Variants in KLC3 observed in about 807,000 individuals in gnomAD.
The protein encoded by KLC3 is kinesin light chain 3.
A neutral mutation model predicts 62.9 loss-of-function variants in KLC3; 72 were observed. That is an observed-to-expected ratio of 1.15 (90% confidence interval 0.95 to 1.39). The LOEUF (loss-of-function observed/expected upper bound fraction) is 1.39. Among genes scored for constraint, KLC3 ranks in the 40% most tolerant of loss-of-function variants. The pLI, the probability that KLC3 is intolerant of heterozygous loss-of-function variation, is 0.00. For synonymous variants in KLC3, 377 were observed against 300.5 expected (o/e 1.25, Z -2.63); for missense variants, 848 against 691.6 (o/e 1.23, Z -2.54).
chr19:45,344,560 A>G (rs1314569508), intron 1 of KLC3, among the ~76,000 whole-genome samples: 1 of 151,934 alleles, frequency 6.6e-6, no homozygotes. Context: ...TGTGTGTGTC[A>G]AATTGTATTT....
intron 1 of KLC3, among the ~76,000 whole-genome samples, chr19:45,342,726 C>G (rs1568519926): frequency 6.6e-6 from 1 of 151,966 alleles, no homozygotes; most frequent in Non-Finnish European, 1.5e-5. Flanking sequence ...AACATCATGC[C>G]ATTGCACTCC....
Position 45,351,517 on chromosome 19 carries a change from T to C in KLC3, c.*160T>C, listed in dbSNP as rs1156265886. 4 of 1,600,254 alleles carry C rather than the reference T, an allele frequency of 2.5e-6. No homozygotes were observed. In the African/African-American group the frequency reaches 4.0e-5, roughly 16 times the overall value. ...CGATTAAAGGCTGTGGACGTGACAG[T>C]GAGAAATGTCACCTGACTTCATAAG... On this transcript the variant is annotated 3_prime_UTR_variant, in exon 13 of 13. Transcript: ENST00000391946.
intron 7 of KLC3, 32 bp downstream of exon 7, chr19:45,348,953 C>T: frequency 1.3e-6 from 2 of 1,533,456 alleles, no homozygotes; most frequent in Non-Finnish European, 8.9e-7. Flanking sequence ...CCCGAGGAAC[C>T]CCTTGTCCCA....
At position 45,348,843 on chromosome 19, in the gene KLC3, G is replaced by A; in HGVS notation, c.891G>A (p.Leu297=). The change falls in exon 7 of 13, where the codon TTG becomes TTA. Residue 297 remains leucine (L), a synonymous_variant. Coordinates refer to ENST00000391946, the MANE Select transcript of KLC3 (RefSeq NM_177417.3). ...HPAVAATLNN[L]AVLYGKRGRY... ...AGGTGGCCGCCACGCTCAACAACTT[G>A]GCTGTCCTCTATGGGAAGCGTGGGC... 6.3e-7 allele frequency: 1 copy of A among 1,575,552 alleles called. No homozygotes were observed. The highest frequency in any genetic ancestry group is 8.6e-7 in the Non-Finnish European group (1 of 1,160,600).
rs1352992667 is a variant in KLC3, at chr19:45,350,660, C to T, written c.1292C>T (p.Ser431Leu). The T allele has an allele frequency of 1.2e-6, 2 of 1,613,604 alleles. No individual in the cohort carries two copies. Among genetic ancestry groups the T allele is most frequent in the African/African-American group, 1.3e-5 (1 of 74,898 alleles). Residue 431 changes from serine (S) to leucine (L), a missense_variant, in exon 11 of 13, where the codon TCA becomes TTA. Ser to Leu is a moderately radical substitution (Grantham distance 145). Transcript: ENST00000391946. The stretch of plus-strand genomic sequence containing the variant: ...CCCCAGGCCCTTCGCCGCAGCAGCT[C>T]ACTCTCCAAGATCCGTGAGTCTATC... ...DAEQALRRSS[S>L]LSKIRESIRR...
At position 45,341,578 on chromosome 19, in the gene KLC3, T is replaced by TGTGTGTGCGCGC; in HGVS notation, c.-9+733_-9+734insTGTGTGCGCGCG. Among the ~76,000 whole-genome samples, 575 of 139,880 alleles carry TGTGTGTGCGCGC rather than the reference T, an allele frequency of 4.1e-3. 1 individual carries two copies. The highest frequency in any genetic ancestry group is 6.8e-3 in the Non-Finnish European group (435 of 64,260). 91.8% of individuals were successfully genotyped at this position (139,880 alleles called of 152,430 possible). ...TGGTGTGTGTGTGTGTGTGTGTGTG[T>TGTGTGTGCGCGC]GCGCGCGCGCGTGTGGTGGACAGTG... On this transcript the variant is annotated intron_variant, in intron 1 of 12. Coordinates refer to ENST00000391946, the MANE Select transcript of KLC3 (RefSeq NM_177417.3).
chr19:45,341,578 T>TGTGCGCGCGCGCGCGCGCGCGC, intron 1 of KLC3, among the ~76,000 whole-genome samples: 2 of 139,800 alleles, frequency 1.4e-5, no homozygotes, highest in Non-Finnish European at 3.1e-5. Flanking sequence ...TGTGTGTGTG[T>TGTGCGCGCGCGCGCGCGCGCGC]GCGCGCGCGC....
intron 1 of KLC3, among the ~76,000 whole-genome samples, chr19:45,341,776 CGTGTGTGTGTGTGTGT>C (rs3047585): frequency 2.2e-5 from 3 of 134,830 alleles, no homozygotes; most frequent in African/African-American, 3.1e-5. Flanking sequence ...GCCGTGTGTG[CGTGTGTGTGTGTGTGT>C]GTGTGTGTGT....
Position 45,350,319 on chromosome 19 carries a change from C to T in KLC3, c.1144-22C>T, listed in dbSNP as rs376197962. On this transcript the variant is annotated intron_variant, in intron 8 of 12. Transcript: ENST00000391946. ...TTGGGAACTGGGGTCCGAAAAGTTC[C>T]CAGACACTCCCTTCTCCGCAGGCCT... is the stretch of plus-strand genomic sequence containing the variant. 517 of 1,609,240 alleles carry T rather than the reference C, an allele frequency of 3.2e-4. 3 individuals are homozygous for T. The African/African-American group carries it at 6.4e-3, about 20-fold the overall frequency.
rs1427564767 is a variant in KLC3, at chr19:45,347,276, A to G, written c.490-171A>G. On this transcript the variant is annotated intron_variant, in intron 3 of 12. Coordinates refer to ENST00000391946, the MANE Select transcript of KLC3 (RefSeq NM_177417.3). ...AGAATGGCTTGAACCCAGGAGGTGG[A>G]GGTTGCTGTGAGCCAAGATCGCACC... 1.4e-5 allele frequency: 8 copies of G among 557,326 alleles called. No individual in the cohort carries two copies. The East Asian group carries it at 2.2e-4, about 15-fold the overall frequency. 34.5% of individuals were successfully genotyped at this position (557,326 alleles called of 1,614,324 possible).
At position 45,350,758 on chromosome 19, in the gene KLC3, A is replaced by C. The variant is rs3916901; in HGVS notation, c.1379+11A>C. ...GGCAGGAGCAGCCGGGTGAGTGTTG[A>C]TCAGGTCGGCAAAGAGCCCTGACAT... On this transcript the variant is annotated intron_variant, in intron 11 of 12. Coordinates refer to ENST00000391946, the MANE Select transcript of KLC3 (RefSeq NM_177417.3). 439 of 1,603,754 alleles carry C rather than the reference A, an allele frequency of 2.7e-4. 1 individual carries two copies. Among genetic ancestry groups the C allele is most frequent in the Non-Finnish European group, 3.6e-4 (419 of 1,175,418 alleles).
At chr19:45,350,309 C>A in intron 8 of KLC3, 32 bp from the exon 9 acceptor site, 3 of 1,594,312 alleles carry the variant, frequency 1.9e-6, no homozygotes, top group Non-Finnish European at 2.6e-6. Flanking sequence ...AACTGGGGTC[C>A]GAAAAGTTCC....
chr19:45,345,164 A>C, intron 1 of KLC3: 1 of 415,612 alleles, frequency 2.4e-6, no homozygotes, highest in East Asian at 4.2e-5. Flanking sequence ...GGGCCAGGGG[A>C]TCCAAGGGCC....
At chr19:45,349,047 T>A (rs1223861992) in intron 7 of KLC3, 126 bp downstream of exon 7, 12 of 818,588 alleles carry the variant, frequency 1.5e-5, no homozygotes, top group Non-Finnish European at 2.3e-5. Flanking sequence ...GAGACCCCAG[T>A]TGGAGCCTAG....
Position 45,351,390 on chromosome 19 carries a change from G to GGGAACAGTGCAGGAGGGATGGGCT in KLC3, c.*36_*59dup. 6.2e-7 allele frequency: 1 copy of GGGAACAGTGCAGGAGGGATGGGCT among 1,606,562 alleles called. No homozygotes were observed. The highest frequency in any genetic ancestry group is 8.5e-7 in the Non-Finnish European group (1 of 1,179,848). On this transcript the variant is annotated 3_prime_UTR_variant, in exon 13 of 13. Coordinates refer to ENST00000391946, the MANE Select transcript of KLC3 (RefSeq NM_177417.3). ...TGAACTGCGCTGGCCGCAGCTTCTT[G>GGGAACAGTGCAGGAGGGATGGGCT]GGAACAGTGCAGGAGGGATGGGCTG...
At chr19:45,349,358 C>T in intron 7 of KLC3, 71 bp from the exon 8 acceptor site, 5 of 1,471,036 alleles carry the variant, frequency 3.4e-6, no homozygotes, top group Non-Finnish European at 4.6e-6. Context: ...TCATGACCAC[C>T]ATACAGCAGT....
In KLC3 at chr19:45,349,522, C is replaced by T. The variant is rs920412889; in HGVS notation, c.1063C>T (p.His355Tyr). Residue 355 changes from histidine (H) to tyrosine (Y), a missense_variant, in exon 8 of 13, where the codon CAC becomes TAC. Transcript: ENST00000391946. ...NQGKFEDVER[H>Y]YARALSIYEA... Reference sequence around the variant, plus strand: ...GGGCAAGTTTGAGGACGTGGAGCGGCACTATGCCCGGGCCCTGAGCATCTA... The same window carrying T: ...GGGCAAGTTTGAGGACGTGGAGCGGTACTATGCCCGGGCCCTGAGCATCTA... 3 of 1,613,326 alleles carry T rather than the reference C, an allele frequency of 1.9e-6. No individual in the cohort carries two copies. Among genetic ancestry groups the T allele is most frequent in the Non-Finnish European group, 2.5e-6 (3 of 1,179,750 alleles).
In KLC3 at chr19:45,346,670, C is replaced by G. The variant is rs777945495; in HGVS notation, c.385C>G (p.Arg129Gly). ...GGAGGAACTGGAGGAGACGCAGCGG[C>G]GGCTTCGGGCCAGCGAGGAGTCCGT... Reference protein sequence around the residue: ...LREELEETQRRLRASEESVAQ... With the variant: ...LREELEETQRGLRASEESVAQ... The change falls in exon 3 of 13, where the codon CGG (arginine) becomes GGG (glycine). Residue 129 changes from arginine to glycine, a missense_variant. Coordinates refer to ENST00000391946, the MANE Select transcript of KLC3 (RefSeq NM_177417.3). 3 of 1,558,506 alleles carry G rather than the reference C, an allele frequency of 1.9e-6. No individual in the cohort carries two copies. Among genetic ancestry groups the G allele is most frequent in the Non-Finnish European group, 2.6e-6 (3 of 1,152,960 alleles).
intron 3 of KLC3, 173 bp downstream of exon 3, chr19:45,346,947 A>ACCAGAACTTCCACAGACGCCC: frequency 2.4e-6 from 1 of 411,056 alleles, no homozygotes. Context: ...CCCCAGACCC[A>ACCAGAACTTCCACAGACGCCC]CCAGAACTTC....
Sources: gnomAD v4.1 joint callset for allele counts (sites outside exome capture counted in the v4.1 genomes callset) on GRCh38, gnomAD v4.1.1 for gene constraint, MANE v1.5 for transcripts, NCBI Gene and HGNC (gene_info 2026-07-23, HGNC 2026-07-21) for gene names.